The following USP26 variants were observed in gnomAD, a reference collection of about 807,000 sequenced individuals.
The protein encoded by USP26 is ubiquitin specific peptidase 26.
For missense variants in USP26, 649 were observed against 642.3 expected (o/e 1.01, Z -0.11); for synonymous variants, 236 against 240.6 (o/e 0.98, Z 0.18).
At chrX:133,070,287 G>A (rs1194477695) in intron 5 of USP26, among the ~76,000 whole-genome samples, 2 of 111,460 alleles carry the variant, frequency 1.8e-5, no homozygotes, top group East Asian at 5.7e-4. Context: ...ACTTCAAAAG[G>A]CTTTTAATTT....
At chrX:133,037,590 G>C (rs942859222) in intron 5 of USP26, among the ~76,000 whole-genome samples, 3 of 112,164 alleles carry the variant, frequency 2.7e-5, no homozygotes, top group Non-Finnish European at 5.6e-5. Flanking sequence ...TTGTAGTATA[G>C]TTTGAACTCA....
At chrX:133,049,986 A>G (rs923145547) in intron 5 of USP26, among the ~76,000 whole-genome samples, 4 of 112,505 alleles carry the variant, frequency 3.6e-5, no homozygotes, top group African/African-American at 1.3e-4. Flanking sequence ...CCCATTTACT[A>G]TTTGTAAAAT....
In USP26 at chrX:133,026,616, ATTC is replaced by A; in HGVS notation, c.1602_1604del (p.Lys534del). On this transcript the variant is annotated inframe_deletion, in exon 6 of 6. Coordinates refer to ENST00000511190, the MANE Select transcript of USP26 (RefSeq NM_031907.3). ...ATTTGGAAATGATGACTTCCTGGTCATTCTTCTTTAATGCACAAAACTCATTCA... is the reference window on the plus strand; with the variant it reads ...ATTTGGAAATGATGACTTCCTGGTCATTCTTTAATGCACAAAACTCATTCA... 2.5e-6 allele frequency: 3 copies of A among 1,207,516 alleles called. No homozygotes were observed. The highest frequency in any genetic ancestry group is 3.4e-6 in the Non-Finnish European group (3 of 893,537).
At chrX:133,038,406 G>T (rs189381596) in intron 5 of USP26, among the ~76,000 whole-genome samples, 1 of 111,723 alleles carries the variant, frequency 9.0e-6, no homozygotes. Context: ...GGCCTTTTCC[G>T]CATCCATTGA....
intron 5 of USP26, among the ~76,000 whole-genome samples, chrX:133,045,343 A>G (rs761190498): frequency 1.8e-5 from 2 of 111,544 alleles, no homozygotes; most frequent in African/African-American, 6.6e-5. Flanking sequence ...TCTGTAAAAC[A>G]TACCAATCAG....
intron 5 of USP26, among the ~76,000 whole-genome samples, chrX:133,051,956 G>A: frequency 8.9e-6 from 1 of 112,157 alleles, no homozygotes. Context: ...GTTCCTTGCA[G>A]TGAATGGCTT....
chrX:133,049,700 A>G (rs2067452304), intron 5 of USP26, among the ~76,000 whole-genome samples: 1 of 112,251 alleles, frequency 8.9e-6, no homozygotes, highest in South Asian at 3.7e-4. Flanking sequence ...TAACTAATGC[A>G]CTAGAGTGGG....
rs935599797 is a variant in USP26 at position 133,027,288 on chromosome X, C to T, written c.933G>A (p.Gln311=). 43 of 1,209,682 alleles carry T rather than the reference C, an allele frequency of 3.6e-5. No homozygotes were observed. Among genetic ancestry groups the T allele is most frequent in the Non-Finnish European group, 4.6e-5 (41 of 894,848 alleles). Residue 311 remains glutamine, a synonymous_variant, in exon 6 of 6, where the codon CAG becomes CAA. Coordinates refer to ENST00000511190, the MANE Select transcript of USP26 (RefSeq NM_031907.3). ...GNTCYMNAVL[Q]SLLSIPSFAD... is the part of the protein sequence containing the mutation. ...CAAACGATGGGATTGAAAGTAGAGA[C>T]TGTAACACTGCATTCATATAACAGG...
chrX:133,070,553 A>G (rs1198289910), intron 5 of USP26, among the ~76,000 whole-genome samples: 2 of 111,921 alleles, frequency 1.8e-5, no homozygotes, highest in Non-Finnish European at 3.8e-5. Context: ...CTTCTAACAA[A>G]ATTCATTCCC....
rs2067334991 is a variant in USP26 at position 133,023,965 on chromosome X, G to A, written c.*1514C>T. 8.9e-6 allele frequency among the ~76,000 whole-genome samples: 1 copy of A among 112,066 alleles called. No individual in the cohort carries two copies. Among genetic ancestry groups the A allele is most frequent in the African/African-American group, 3.2e-5 (1 of 30,831 alleles). ...CTATGTTATGTGAGAAAACCTCTTAGTACAAGTCATTTGTTCACAGCAAAG... is the reference window on the plus strand; with the variant it reads ...CTATGTTATGTGAGAAAACCTCTTAATACAAGTCATTTGTTCACAGCAAAG... On this transcript the variant is annotated 3_prime_UTR_variant, in exon 6 of 6. Coordinates refer to ENST00000511190, the MANE Select transcript of USP26 (RefSeq NM_031907.3).
In USP26 at chrX:133,025,966, G is replaced by C. The variant is rs1424625687; in HGVS notation, c.2255C>G (p.Pro752Arg). 5 of 1,211,443 alleles carry C rather than the reference G, an allele frequency of 4.1e-6. No homozygotes were observed. The highest frequency in any genetic ancestry group is 4.5e-6 in the Non-Finnish European group (4 of 895,448). The change falls in exon 6 of 6, where the codon CCT (proline) becomes CGT (arginine). Residue 752 changes from proline to arginine, a missense_variant. Pro to Arg is a moderately radical substitution (Grantham distance 103, BLOSUM62 -2). Transcript: ENST00000511190. ...CDGMRICEQA[P>R]QQALPQSFPK... ...AAAGCTTTGAGGCAGTGCCTGCTGAGGGGCTTGTTCACAGATTCTCATACC... is the reference window on the plus strand; with the variant it reads ...AAAGCTTTGAGGCAGTGCCTGCTGACGGGCTTGTTCACAGATTCTCATACC...
chrX:133,080,766 G>T (rs913131411), intron 5 of USP26, among the ~76,000 whole-genome samples: 1 of 111,259 alleles, frequency 9.0e-6, no homozygotes, highest in African/African-American at 3.3e-5. Context: ...TACTCAAAAT[G>T]GGCATTGGTA....
intron 5 of USP26, among the ~76,000 whole-genome samples, chrX:133,057,932 C>T (rs1405050479): frequency 1.9e-4 from 14 of 71,907 alleles, no homozygotes; most frequent in East Asian, 5.2e-4. Context: ...GGTTGGAGTG[C>T]AGTGGTGCGA....
At chrX:133,056,008 T>G (rs1602979230) in intron 5 of USP26, among the ~76,000 whole-genome samples, 1 of 111,865 alleles carries the variant, frequency 8.9e-6, no homozygotes, top group Non-Finnish European at 1.9e-5. Context: ...GGTAATGCCC[T>G]TTTGGGTTGG....
At chrX:133,037,930 T>G (rs2067401591) in intron 5 of USP26, among the ~76,000 whole-genome samples, 1 of 111,276 alleles carries the variant, frequency 9.0e-6, no homozygotes, top group Admixed American at 9.6e-5. Flanking sequence ...TTGTAGCAAT[T>G]GTGAATGGGA....
At chrX:133,048,826 G>T (rs928623365) in intron 5 of USP26, among the ~76,000 whole-genome samples, 2 of 111,792 alleles carry the variant, frequency 1.8e-5, no homozygotes, top group African/African-American at 6.5e-5. Context: ...GATTACAGGC[G>T]TGAGCCACTG....
chrX:133,093,197 G>A (rs1008118315), intron 1 of USP26, among the ~76,000 whole-genome samples: 2 of 111,396 alleles, frequency 1.8e-5, no homozygotes, highest in African/African-American at 3.3e-5. Flanking sequence ...GAGGTGGGGG[G>A]ATCACTTGAG....
At chrX:133,062,714 T>G (rs1406616481) in intron 5 of USP26, among the ~76,000 whole-genome samples, 1 of 108,226 alleles carries the variant, frequency 9.2e-6, no homozygotes, top group Non-Finnish European at 1.9e-5. Flanking sequence ...AACATCCACA[T>G]CAACAAAAAG....
chrX:133,087,563 T>C (rs2067593949), intron 4 of USP26, among the ~76,000 whole-genome samples: 1 of 112,133 alleles, frequency 8.9e-6, no homozygotes, highest in Non-Finnish European at 1.9e-5. Context: ...TTTTCTCTTC[T>C]TTTGGAGAGT....
Sources: gnomAD v4.1 joint callset for allele counts (sites outside exome capture counted in the v4.1 genomes callset) on GRCh38, gnomAD v4.1.1 for gene constraint, MANE v1.5 for transcripts, NCBI Gene and HGNC (gene_info 2026-07-23, HGNC 2026-07-21) for gene names.